The following MARCHF1 variants were observed in gnomAD, a reference collection of about 807,000 sequenced individuals.
MARCHF1 encodes the protein E3 ubiquitin-protein ligase MARCHF1.
MARCHF1 carries 40 observed loss-of-function variants against 54.2 expected under a neutral mutation model. That is an observed-to-expected ratio of 0.74 (90% CI 0.57 to 0.96). MARCHF1 has a LOEUF of 0.96. Among genes scored for constraint, MARCHF1 ranks in the 40% least tolerant of loss-of-function variants. The pLI is 0.00. For missense variants in MARCHF1, 586 were observed against 656.5 expected, an observed-to-expected ratio of 0.89 and a Z score of 1.17; for synonymous variants, 236 against 236.3, an observed-to-expected ratio of 1.00 and a Z score of 0.01.
chr4:164,201,628 G>C (rs1414924720), intron 1 of MARCHF1, among the ~76,000 whole-genome samples: 2 of 152,178 alleles, frequency 1.3e-5, no homozygotes, highest in Non-Finnish European at 2.9e-5. Flanking sequence ...AATGGATACA[G>C]ACTGAAGATG....
chr4:163,568,624 C>T lies in MARCHF1; in HGVS notation c.1191+17125G>A, dbSNP rs369305182. ...TTTATGACAATGAGTCTTTGGAGCA[C>T]GCACCTTCTTCAGGAGCTGAGTGGC... On this transcript the variant is annotated intron_variant, in intron 8 of 9. Transcript: ENST00000514618. Among the ~76,000 whole-genome samples the T allele has an allele frequency of 7.9e-5, 12 of 152,220 alleles. No individual in the cohort carries two copies. The South Asian group carries it at 1.9e-3, about 24-fold the overall frequency.
intron 2 of MARCHF1, among the ~76,000 whole-genome samples, chr4:164,037,108 T>C (rs1235664997): frequency 2.0e-5 from 3 of 152,110 alleles, no homozygotes; most frequent in African/African-American, 7.2e-5. Context: ...TCATCTAAGA[T>C]AGTGAAGAGT....
intron 2 of MARCHF1, among the ~76,000 whole-genome samples, chr4:164,101,516 A>G (rs918275317): frequency 1.6e-5 from 2 of 128,774 alleles, no homozygotes; most frequent in Non-Finnish European, 3.4e-5. Context: ...GACACCTAAC[A>G]TGGCAGGGTA....
intron 1 of MARCHF1, among the ~76,000 whole-genome samples, chr4:164,200,930 G>A (rs549441221): frequency 1.1e-4 from 17 of 152,198 alleles, no homozygotes; most frequent in Non-Finnish European, 2.2e-4. Context: ...GCAGAATGAA[G>A]AGCCAGGACC....
At chr4:163,718,702 G>C (rs1745341784) in intron 4 of MARCHF1, among the ~76,000 whole-genome samples, 1 of 151,852 alleles carries the variant, frequency 6.6e-6, no homozygotes, top group Non-Finnish European at 1.5e-5. Flanking sequence ...CTTATACTTT[G>C]TTTTTTCCAA....
chr4:163,704,599 G>C (rs577790872), intron 4 of MARCHF1, among the ~76,000 whole-genome samples: 3 of 151,064 alleles, frequency 2.0e-5, no homozygotes, highest in African/African-American at 7.3e-5. Flanking sequence ...AAAGTGACTC[G>C]TAAGTCTTAA....
intron 4 of MARCHF1, among the ~76,000 whole-genome samples, chr4:163,733,254 T>TACACAC (rs1197682481): frequency 4.6e-5 from 2 of 43,050 alleles, no homozygotes; most frequent in Non-Finnish European, 6.8e-5. Context: ...CGTGTATATA[T>TACACAC]ATATACACAC....
intron 4 of MARCHF1, among the ~76,000 whole-genome samples, chr4:163,798,067 T>C (rs921610184): frequency 2.6e-5 from 4 of 152,206 alleles, no homozygotes; most frequent in Admixed American, 2.6e-4. Context: ...CTTCCTCACA[T>C]TCATATATCA....
chr4:163,710,747 A>C (rs2111255165), intron 4 of MARCHF1, among the ~76,000 whole-genome samples: 1 of 152,282 alleles, frequency 6.6e-6, no homozygotes, highest in East Asian at 1.9e-4. Context: ...CCATGGAAAA[A>C]GCCTTGAGGA....
chr4:164,239,105 A>T (rs1423855896), intron 1 of MARCHF1, among the ~76,000 whole-genome samples: 2 of 152,018 alleles, frequency 1.3e-5, no homozygotes, highest in Admixed American at 1.3e-4. Flanking sequence ...GTTACATTTC[A>T]TCTATTATTT....
chr4:163,783,017 A>T (rs901212289), intron 4 of MARCHF1, among the ~76,000 whole-genome samples: 2 of 152,234 alleles, frequency 1.3e-5, no homozygotes, highest in Non-Finnish European at 2.9e-5. Flanking sequence ...ACAAAATTAC[A>T]TTGGTCACTT....
chr4:164,058,211 G>A (rs996140658), intron 2 of MARCHF1, among the ~76,000 whole-genome samples: 3 of 152,102 alleles, frequency 2.0e-5, no homozygotes, highest in African/African-American at 7.2e-5. Flanking sequence ...CATGGCACTT[G>A]TATACCTATG....
chr4:163,549,936 G>A (rs923761865), intron 8 of MARCHF1, among the ~76,000 whole-genome samples: 5 of 152,166 alleles, frequency 3.3e-5, no homozygotes, highest in Non-Finnish European at 7.4e-5. Context: ...CCACAGAAAA[G>A]TGTTGTTTAA....
At chr4:164,145,667 T>C (rs1005455118) in intron 1 of MARCHF1, among the ~76,000 whole-genome samples, 3 of 151,972 alleles carry the variant, frequency 2.0e-5, no homozygotes, top group African/African-American at 7.3e-5. Context: ...TGATGGGACA[T>C]ATCTCAAAAT....
At chr4:164,113,451 A>G in intron 1 of MARCHF1, among the ~76,000 whole-genome samples, 1 of 152,022 alleles carries the variant, frequency 6.6e-6, no homozygotes, top group Non-Finnish European at 1.5e-5. Context: ...AAAGGGAGAA[A>G]GAAAGGAAAA....
rs538270485 is a variant in MARCHF1, at chr4:163,841,209, T to C, written c.111+12812A>G. On this transcript the variant is annotated intron_variant, in intron 4 of 9. Transcript: ENST00000514618. ...CTATCATGGTGGAAACATGCGATTA[T>C]AAATTTGTCCAAACCCACAGAATGT... 1.2e-4 allele frequency among the ~76,000 whole-genome samples: 18 copies of C among 152,234 alleles called. No homozygotes were observed. In the South Asian group the frequency reaches 3.1e-3, roughly 26 times the overall value.
intron 4 of MARCHF1, among the ~76,000 whole-genome samples, chr4:163,849,305 A>T (rs1318432787): frequency 6.6e-6 from 1 of 152,148 alleles, no homozygotes; most frequent in Non-Finnish European, 1.5e-5. Flanking sequence ...AAGTATTAAA[A>T]ATGAGAATAT....
intron 1 of MARCHF1, among the ~76,000 whole-genome samples, chr4:164,146,718 C>A (rs1233695865): frequency 2.6e-5 from 4 of 152,118 alleles, no homozygotes; most frequent in Non-Finnish European, 4.4e-5. Context: ...ACTATAAAAA[C>A]CCTAGAAGAA....
At chr4:163,679,045 A>T (rs2111157363) in intron 5 of MARCHF1, among the ~76,000 whole-genome samples, 1 of 152,350 alleles carries the variant, frequency 6.6e-6, no homozygotes, top group South Asian at 2.1e-4. Flanking sequence ...GGCAAGAGGG[A>T]TGAAGCATCC....
Sources: gnomAD v4.1 joint callset for allele counts (sites outside exome capture counted in the v4.1 genomes callset) on GRCh38, gnomAD v4.1.1 for gene constraint, MANE v1.5 for transcripts, NCBI Gene and HGNC (gene_info 2026-07-23, HGNC 2026-07-21) for gene names.